Variants in DYSF observed in about 807,000 individuals in gnomAD.
The protein encoded by DYSF is dystrophy-associated fer-1-like 1.
In DYSF, 212 loss-of-function variants were observed where a neutral mutation model predicts 274.9. The observed-to-expected ratio is 0.77, with a 90% confidence interval of 0.69 to 0.86. The LOEUF (loss-of-function observed/expected upper bound fraction) is 0.86, where lower values mean the gene tolerates loss of function less well. DYSF is among the 40% of genes least tolerant of loss of function. The pLI, the probability that DYSF is intolerant of heterozygous loss-of-function variation, is 0.00. For synonymous variants in DYSF, 1,091 were observed against 1,078.7 expected, an observed-to-expected ratio of 1.01 and a Z score of -0.22; for missense variants, 2,666 against 2,783.2, an observed-to-expected ratio of 0.96 and a Z score of 0.95.
At chr2:71,659,169 T>A in intron 44 of DYSF, 136 bp downstream of exon 44, 1 of 1,238,880 alleles carries the variant, frequency 8.1e-7, no homozygotes, top group Admixed American at 2.0e-5. Context: ...AACTGAGAGG[T>A]GCCTGGATGG....
chr2:71,638,903 T>G (rs2094447196), intron 41 of DYSF, among the ~76,000 whole-genome samples: 1 of 152,252 alleles, frequency 6.6e-6, no homozygotes, highest in Non-Finnish European at 1.5e-5. Flanking sequence ...TTTGAGGAAC[T>G]GCCAAACTGT....
At chr2:71,571,687 C>T (rs1280409429) in intron 29 of DYSF, among the ~76,000 whole-genome samples, 1 of 139,082 alleles carries the variant, frequency 7.2e-6, no homozygotes. Context: ...AGATCACACC[C>T]AGCACATGCA....
At chr2:71,483,200 G>A (rs2152684696) in intron 3 of DYSF, among the ~76,000 whole-genome samples, 1 of 152,330 alleles carries the variant, frequency 6.6e-6, no homozygotes, top group African/African-American at 2.4e-5. Context: ...TGGGGCCCAG[G>A]CCTGTGGGCC....
intron 30 of DYSF, among the ~76,000 whole-genome samples, chr2:71,580,512 G>A (rs2092854999): frequency 6.6e-6 from 1 of 152,228 alleles, no homozygotes; most frequent in Non-Finnish European, 1.5e-5. Context: ...CTGTGGGCAG[G>A]GGACCCAGGC....
At position 71,537,223 on chromosome 2, in the gene DYSF, G is replaced by GTTTTTT. The variant is rs71402990; in HGVS notation, c.1494-1916_1494-1911dup. Among the ~76,000 whole-genome samples, 406 of 79,632 alleles carry GTTTTTT rather than the reference G, an allele frequency of 5.1e-3. 13 individuals are homozygous for GTTTTTT. The highest frequency in any genetic ancestry group is 5.4e-3 in the Non-Finnish European group (230 of 42,264). The allele number at this position is 79,632 out of a possible 152,430, so 52.2% of individuals were successfully genotyped here. A position where few individuals can be genotyped will look rare whatever the true frequency, so the allele number is the denominator to read the frequency against. On this transcript the variant is annotated intron_variant, in intron 16 of 55. Transcript: ENST00000410020. Reference sequence around the variant, plus strand: ...CAGGAAATTTTTACTTTCTAGTTTTGTTTTTTTTTTTTTTTTTTTTTTTGC... The same window carrying GTTTTTT: ...CAGGAAATTTTTACTTTCTAGTTTTGTTTTTTTTTTTTTTTTTTTTTTTTTTTTTGC...
intron 4 of DYSF, among the ~76,000 whole-genome samples, chr2:71,503,749 A>G (rs975313649): frequency 6.6e-6 from 1 of 151,926 alleles, no homozygotes; most frequent in Non-Finnish European, 1.5e-5. Flanking sequence ...GGAGGGAAAG[A>G]GCCCTCTCCC....
At chr2:71,662,872 A>ATG (rs140692553) in intron 45 of DYSF, among the ~76,000 whole-genome samples, 21 of 50,248 alleles carry the variant, frequency 4.2e-4, no homozygotes, top group Admixed American at 1.0e-3. Context: ...GTGTCCATGT[A>ATG]TGTGTGTGTG....
intron 40 of DYSF, among the ~76,000 whole-genome samples, chr2:71,616,956 A>T (rs1228268377): frequency 6.6e-6 from 1 of 152,046 alleles, no homozygotes; most frequent in Non-Finnish European, 1.5e-5. Context: ...TGTTATGATT[A>T]TGATTAGGGG....
rs1171594439 is a variant in DYSF at position 71,525,133 on chromosome 2, C to G, written c.1150-1087C>G. ...ATCTGGGAAGCTTTACAAGCCACTG[C>G]TGCATGGGTACTCTCTCCCAGAAAT... On this transcript the variant is annotated intron_variant, in intron 12 of 55. Transcript: ENST00000410020. 2.0e-5 allele frequency among the ~76,000 whole-genome samples: 3 copies of G among 152,280 alleles called. No individual in the cohort carries two copies. The East Asian group carries it at 5.8e-4, about 29-fold the overall frequency.
intron 42 of DYSF, 117 bp from the exon 43 acceptor site, chr2:71,656,045 C>T: frequency 7.6e-7 from 1 of 1,321,986 alleles, no homozygotes; most frequent in East Asian, 2.3e-5. Context: ...TTCCTTCTCT[C>T]TCTTTATTCA....
intron 5 of DYSF, 118 bp downstream of exon 5, chr2:71,512,039 G>C: frequency 1.4e-6 from 1 of 735,658 alleles, no homozygotes. Context: ...CCCCAGGTTG[G>C]AGGCTGCCCA....
At chr2:71,618,442 T>C (rs1156983134) in intron 40 of DYSF, among the ~76,000 whole-genome samples, 569 of 115,736 alleles carry the variant, frequency 4.9e-3, no homozygotes, top group African/African-American at 9.0e-3. Context: ...GGGGTGTGTG[T>C]GGTAGAGGTG....
intron 12 of DYSF, among the ~76,000 whole-genome samples, chr2:71,523,509 A>G (rs1343458106): frequency 2.7e-5 from 4 of 147,540 alleles, no homozygotes; most frequent in African/African-American, 1.0e-4. Flanking sequence ...TTCTTACGTT[A>G]TACTTCACCT....
At chr2:71,639,294 G>A (rs148520679) in intron 41 of DYSF, among the ~76,000 whole-genome samples, 1 of 151,514 alleles carries the variant, frequency 6.6e-6, no homozygotes, top group African/African-American at 2.4e-5. Context: ...CACTTTATTG[G>A]TAGTGTATTT....
intron 4 of DYSF, among the ~76,000 whole-genome samples, chr2:71,510,389 G>A (rs11679925): frequency 0.05 from 7,682 of 152,250 alleles, 212 homozygotes; most frequent in Middle Eastern, 0.082. Context: ...GGCTGCTCAC[G>A]TGGCGACACC....
intron 1 of DYSF, among the ~76,000 whole-genome samples, chr2:71,470,459 T>G (rs1004773574): frequency 2.0e-5 from 3 of 151,898 alleles, no homozygotes; most frequent in African/African-American, 7.3e-5. Context: ...GATCATGAGG[T>G]CAGGAGATCG....
Position 71,668,852 on chromosome 2 carries a change from C to G in DYSF, c.5546+10C>G. ...CACGGAGAGCCAGAAGGTGACTTGC[C>G]CAGCCACAGGCTCTGAGCTGGGCTG... On this transcript the variant is annotated intron_variant, in intron 49 of 55. Transcript: ENST00000410020. 1 of 1,612,092 alleles carries G rather than the reference C, an allele frequency of 6.2e-7. No individual in the cohort carries two copies. Among genetic ancestry groups the G allele is most frequent in the South Asian group, 1.1e-5 (1 of 90,624 alleles).
intron 40 of DYSF, among the ~76,000 whole-genome samples, chr2:71,618,764 G>A (rs532743369): frequency 1.3e-5 from 2 of 151,734 alleles, no homozygotes; most frequent in South Asian, 4.2e-4. Flanking sequence ...GTGTGTGTCC[G>A]TGTGAGTGTG....
At chr2:71,515,476 A>G (rs1333714187) in intron 7 of DYSF, 147 bp from the exon 8 acceptor site, 8 of 1,198,092 alleles carry the variant, frequency 6.7e-6, no homozygotes, top group Non-Finnish European at 9.6e-6. Context: ...GATAGTTCGT[A>G]TAATGCTCTT....
Sources: allele counts gnomAD v4.1 joint callset (sites outside exome capture counted in the v4.1 genomes callset), GRCh38; gene constraint gnomAD v4.1.1; transcripts MANE v1.5; gene names NCBI Gene and HGNC (gene_info 2026-07-23, HGNC 2026-07-21).